The following CDK17 variants were observed in gnomAD, a reference collection of about 807,000 sequenced individuals.
CDK17 encodes the protein cyclin dependent kinase 17.
In CDK17, 24 loss-of-function variants were observed where a neutral mutation model predicts 77.6. The ratio of observed to expected loss-of-function variants is 0.31; its 90% confidence interval spans 0.22 to 0.44. The LOEUF is 0.44. CDK17 is among the 20% of genes least tolerant of loss of function. The pLI is 1.00. For missense variants in CDK17, 429 were observed against 622.5 expected (o/e 0.69, Z 3.31); for synonymous variants, 203 against 210.4 (o/e 0.96, Z 0.30).
intron 7 of CDK17, among the ~76,000 whole-genome samples, chr12:96,298,457 AG>A (rs765297872): frequency 6.6e-6 from 1 of 152,218 alleles, no homozygotes; most frequent in Non-Finnish European, 1.5e-5. Flanking sequence ...ATAAATTACA[AG>A]GAACCATTTT....
At chr12:96,385,848 A>G (rs2137235806) in intron 1 of CDK17, among the ~76,000 whole-genome samples, 1 of 152,292 alleles carries the variant, frequency 6.6e-6, no homozygotes, top group East Asian at 1.9e-4. Flanking sequence ...AAACAAGCTA[A>G]AAGAGTCAGA....
intron 15 of CDK17, among the ~76,000 whole-genome samples, chr12:96,281,528 C>A (rs1380526452): frequency 6.6e-6 from 1 of 152,186 alleles, no homozygotes; most frequent in Non-Finnish European, 1.5e-5. Flanking sequence ...GCCACCACGC[C>A]CAGCTAATTT....
At position 96,287,054 on chromosome 12, in the gene CDK17, T is replaced by C. The variant is rs899994880; in HGVS notation, c.1119-293A>G. Among the ~76,000 whole-genome samples the C allele has an allele frequency of 7.0e-4, 107 of 152,340 alleles. 2 individuals carry two copies. Among genetic ancestry groups the C allele is most frequent in the Admixed American group, 6.9e-3 (106 of 15,302 alleles). On this transcript the variant is annotated intron_variant, in intron 11 of 16. Transcript: ENST00000261211. ...CTGAAGATTTACTATGTGTTAGAAA[T>C]GTTTTTTAAGTGCACCAATTATCTC...
chr12:96,399,880 G>C, intron 1 of CDK17, 106 bp downstream of exon 1: 2 of 275,468 alleles, frequency 7.3e-6, no homozygotes, highest in Non-Finnish European at 6.7e-6. Flanking sequence ...AGCCACCCGC[G>C]CCCCCAGTAG....
intron 4 of CDK17, among the ~76,000 whole-genome samples, chr12:96,313,043 T>G (rs1292349169): frequency 1.3e-5 from 2 of 152,174 alleles, no homozygotes; most frequent in Admixed American, 1.3e-4. Context: ...TCACTTCTCC[T>G]TAATGGATAA....
At chr12:96,300,271 A>C in intron 6 of CDK17, 33 bp downstream of exon 6, 1 of 1,442,106 alleles carries the variant, frequency 6.9e-7, no homozygotes, top group Admixed American at 1.9e-5. Context: ...ATAAGAAAAA[A>C]ATGTGTCTTA....
intron 2 of CDK17, among the ~76,000 whole-genome samples, chr12:96,332,768 T>C (rs1320301532): frequency 6.6e-6 from 1 of 152,208 alleles, no homozygotes; most frequent in Admixed American, 6.5e-5. Context: ...TTTGCCCTTA[T>C]TTACTACCTA....
intron 9 of CDK17, among the ~76,000 whole-genome samples, chr12:96,295,715 C>G (rs186921226): frequency 2.0e-5 from 3 of 152,206 alleles, no homozygotes; most frequent in African/African-American, 7.2e-5. Flanking sequence ...GGGTACTTTA[C>G]TTTCAGCACC....
At chr12:96,363,167 CT>C (rs1953523753) in intron 1 of CDK17, among the ~76,000 whole-genome samples, 1 of 151,796 alleles carries the variant, frequency 6.6e-6, no homozygotes, top group African/African-American at 2.4e-5. Flanking sequence ...TTAGAACCCC[CT>C]GGCCAGGCAT....
intron 2 of CDK17, among the ~76,000 whole-genome samples, chr12:96,326,325 C>T (rs1952891047): frequency 6.6e-6 from 1 of 152,152 alleles, no homozygotes; most frequent in African/African-American, 2.4e-5. Context: ...GGAAAAGACA[C>T]ACACACGAAG....
chr12:96,391,529 G>A (rs1954068108), intron 1 of CDK17, among the ~76,000 whole-genome samples: 1 of 152,076 alleles, frequency 6.6e-6, no homozygotes, highest in Non-Finnish European at 1.5e-5. Flanking sequence ...GACCTCAAGT[G>A]ATCTGACCGC....
At chr12:96,298,533 T>G (rs1850528308) in intron 7 of CDK17, among the ~76,000 whole-genome samples, 1 of 152,176 alleles carries the variant, frequency 6.6e-6, no homozygotes, top group Non-Finnish European at 1.5e-5. Flanking sequence ...TATAAAATGG[T>G]ACTATGATAT....
chr12:96,315,489 G>A (rs370652057), intron 3 of CDK17, among the ~76,000 whole-genome samples: 1 of 152,062 alleles, frequency 6.6e-6, no homozygotes, highest in East Asian at 1.9e-4. Flanking sequence ...GTAATGTATT[G>A]GTGATTGATT....
chr12:96,342,835 T>C (rs1438268277), intron 1 of CDK17, among the ~76,000 whole-genome samples: 4 of 150,764 alleles, frequency 2.7e-5, no homozygotes, highest in Admixed American at 6.6e-5. Context: ...TGGTGGTGCA[T>C]GCTGTAATCC....
chr12:96,352,986 C>A (rs1245596722), intron 1 of CDK17, among the ~76,000 whole-genome samples: 1 of 152,090 alleles, frequency 6.6e-6, no homozygotes, highest in Non-Finnish European at 1.5e-5. Context: ...TAGAAACCAC[C>A]TGTCCCACTA....
rs1010065199 is a variant in CDK17, at chr12:96,334,785, T to C, written c.52A>G (p.Ile18Val). Residue 18 changes from isoleucine to valine, a missense_variant, in exon 2 of 17, where the codon ATT becomes GTT. By Grantham distance (29) the Ile-to-Val change is conservative. Coordinates refer to ENST00000261211, the MANE Select transcript of CDK17 (RefSeq NM_002595.5). ...LSLTLRGSQTIDESLSELAEQ... is the reference protein window; with the variant it reads ...LSLTLRGSQTVDESLSELAEQ... ...GCCAATTCAGACAATGATTCATCAA[T>C]AGTCTGACTTCCTCGGAGTGTGAGG... is the stretch of plus-strand genomic sequence containing the variant. 6.8e-6 allele frequency: 11 copies of C among 1,612,076 alleles called. No individual in the cohort carries two copies. Among genetic ancestry groups the C allele is most frequent in the South Asian group, 3.3e-5 (3 of 91,040 alleles).
chr12:96,280,768 A>G, intron 16 of CDK17, 40 bp downstream of exon 16: 1 of 1,602,492 alleles, frequency 6.2e-7, no homozygotes, highest in East Asian at 2.2e-5. Flanking sequence ...CCACGCAAAA[A>G]TTCATGATCG....
Position 96,280,215 on chromosome 12 carries a change from G to C in CDK17, c.*27C>G. On this transcript the variant is annotated 3_prime_UTR_variant, in exon 17 of 17. Transcript: ENST00000261211. ...CCTTGATTGGTAAGAAAGGCTGGGG[G>C]CTGGGCTTGAAACCATGTTATCAGA... The C allele has an allele frequency of 1.3e-6, 2 of 1,548,378 alleles. No homozygotes were observed. The highest frequency in any genetic ancestry group is 1.7e-6 in the Non-Finnish European group (2 of 1,145,362).
chr12:96,302,655 A>G (rs1388075260), intron 5 of CDK17, among the ~76,000 whole-genome samples: 2 of 152,180 alleles, frequency 1.3e-5, no homozygotes, highest in East Asian at 1.9e-4. Flanking sequence ...TTTTCTTCTC[A>G]GGAGTAGAGA....
Sources: allele counts gnomAD v4.1 joint callset (sites outside exome capture counted in the v4.1 genomes callset), GRCh38; gene constraint gnomAD v4.1.1; transcripts MANE v1.5; gene names NCBI Gene and HGNC (gene_info 2026-07-23, HGNC 2026-07-21).